Variants in AR observed in about 807,000 individuals in gnomAD.
The protein encoded by AR is dihydrotestosterone receptor.
AR carries 8 observed loss-of-function variants against 53.9 expected under a neutral mutation model. That is an observed-to-expected ratio of 0.15 (90% CI 0.09 to 0.27). AR has a LOEUF of 0.27. Among genes scored for constraint, AR ranks in the 10% least tolerant of loss-of-function variants. AR has a pLI of 1.00. For synonymous variants in AR, 359 were observed against 316.4 expected (o/e 1.13, Z -1.43); for missense variants, 639 against 742.5 (o/e 0.86, Z 1.62).
At chrX:67,659,899 T>C (rs1470377885) in intron 2 of AR, among the ~76,000 whole-genome samples, 1 of 111,755 alleles carries the variant, frequency 8.9e-6, no homozygotes, top group Non-Finnish European at 1.9e-5. Context: ...GACTTTTTAA[T>C]GATCACCATT....
chrX:67,627,285 AG>A (rs1221313900), intron 1 of AR, among the ~76,000 whole-genome samples: 1 of 111,447 alleles, frequency 9.0e-6, no homozygotes, highest in Non-Finnish European at 1.9e-5. Context: ...CATCCTCTCC[AG>A]CACCTGTTGT....
Position 67,714,493 on chromosome X carries a change from G to A in AR, c.2173+2804G>A, listed in dbSNP as rs774787223. On this transcript the variant is annotated intron_variant, in intron 4 of 7. Coordinates refer to ENST00000374690, the MANE Select transcript of AR (RefSeq NM_000044.6). ...TGAAATTGTGTTCTCTGAAGACCTCGGCTGGCAGATGTACTACAGCAGCAA... is the reference window on the plus strand; with the variant it reads ...TGAAATTGTGTTCTCTGAAGACCTCAGCTGGCAGATGTACTACAGCAGCAA... 3.6e-5 allele frequency among the ~76,000 whole-genome samples: 4 copies of A among 111,542 alleles called. No individual in the cohort carries two copies. The South Asian group carries it at 1.1e-3, about 32-fold the overall frequency.
At chrX:67,723,113 C>T (rs2076143122) in intron 7 of AR, 129 bp downstream of exon 7, 2 of 837,876 alleles carry the variant, frequency 2.4e-6, no homozygotes, top group East Asian at 3.3e-5. Flanking sequence ...TGAGTGTGGT[C>T]CAGGAAGAAA....
chrX:67,704,675 C>A lies in AR; in HGVS notation c.1886-6727C>A, dbSNP rs1434846353. Among the ~76,000 whole-genome samples, 3 of 111,757 alleles carry A rather than the reference C, an allele frequency of 2.7e-5. No homozygotes were observed. In the Admixed American group the frequency reaches 2.8e-4, roughly 11 times the overall value. On this transcript the variant is annotated intron_variant, in intron 3 of 7. Coordinates refer to ENST00000374690, the MANE Select transcript of AR (RefSeq NM_000044.6). ...ATTAGATCCCATTTGTCAATTTTGG[C>A]TTTTGTTGCCATTGCTTTTGGTGTT...
chrX:67,695,676 G>C, intron 3 of AR: 1 of 752,616 alleles, frequency 1.3e-6, no homozygotes, highest in South Asian at 6.8e-5. Context: ...ACATGTGAGA[G>C]TCAGAAGGAC....
intron 1 of AR, among the ~76,000 whole-genome samples, chrX:67,574,886 A>G (rs1227903000): frequency 9.0e-6 from 1 of 111,659 alleles, no homozygotes; most frequent in Admixed American, 9.5e-5. Context: ...GGTTGAAACT[A>G]TAAGCTTAAA....
chrX:67,597,892 C>A (rs928074421), intron 1 of AR, among the ~76,000 whole-genome samples: 5 of 111,900 alleles, frequency 4.5e-5, no homozygotes, highest in Non-Finnish European at 7.5e-5. Flanking sequence ...GGGTGGTAAA[C>A]ATCATTTTAG....
chrX:67,557,563 G>A (rs943759524), intron 1 of AR, among the ~76,000 whole-genome samples: 2 of 111,603 alleles, frequency 1.8e-5, no homozygotes, highest in Admixed American at 9.5e-5. Flanking sequence ...CTTAGAGATC[G>A]CCTAGGCTGT....
chrX:67,631,646 A>G (rs761558399), intron 1 of AR, among the ~76,000 whole-genome samples: 4 of 112,514 alleles, frequency 3.6e-5, no homozygotes, highest in African/African-American at 1.3e-4. Context: ...ATCTCATCAA[A>G]GTCATTCTCT....
intron 1 of AR, among the ~76,000 whole-genome samples, chrX:67,576,448 A>G (rs1449282157): frequency 9.1e-6 from 1 of 110,085 alleles, no homozygotes; most frequent in East Asian, 2.8e-4. Context: ...GACAAAAAAA[A>G]AGAGAGAGAG....
At chrX:67,551,618 G>A (rs1017233468) in intron 1 of AR, among the ~76,000 whole-genome samples, 2 of 111,759 alleles carry the variant, frequency 1.8e-5, no homozygotes, top group African/African-American at 6.5e-5. Context: ...GTGTGAGTAG[G>A]CCAGGAGGGG....
chrX:67,720,492 G>A (rs1307665946), intron 5 of AR, among the ~76,000 whole-genome samples: 3 of 111,991 alleles, frequency 2.7e-5, no homozygotes, highest in African/African-American at 9.7e-5. Context: ...GACTGGAGCA[G>A]AGCCAGACCT....
At chrX:67,655,867 G>C (rs1926562478) in intron 2 of AR, among the ~76,000 whole-genome samples, 1 of 112,412 alleles carries the variant, frequency 8.9e-6, no homozygotes, top group Admixed American at 9.5e-5. Flanking sequence ...TGAGAAATCA[G>C]TCCCTCATCA....
chrX:67,639,400 A>G (rs1444457276), intron 1 of AR, among the ~76,000 whole-genome samples: 2 of 111,741 alleles, frequency 1.8e-5, no homozygotes, highest in African/African-American at 6.5e-5. Flanking sequence ...TCTGTAAAAC[A>G]CTTTGGGCAG....
intron 2 of AR, among the ~76,000 whole-genome samples, chrX:67,661,426 G>A (rs1388175171): frequency 4.5e-5 from 5 of 110,879 alleles, no homozygotes; most frequent in South Asian, 3.8e-4. Context: ...AGCATGAAGC[G>A]CTGTTGAATT....
At chrX:67,571,681 G>A (rs182794911) in intron 1 of AR, among the ~76,000 whole-genome samples, 2 of 110,979 alleles carry the variant, frequency 1.8e-5, no homozygotes, top group East Asian at 5.7e-4. Context: ...GGATATTTCC[G>A]ATATTCAAAT....
chrX:67,629,717 T>C (rs1328046781), intron 1 of AR, among the ~76,000 whole-genome samples: 1 of 109,337 alleles, frequency 9.1e-6, no homozygotes, highest in Non-Finnish European at 1.9e-5. Flanking sequence ...CTAGTTCTTT[T>C]AATTGTGATG....
chrX:67,689,658 A>T, intron 3 of AR: 1 of 906,603 alleles, frequency 1.1e-6, no homozygotes, highest in Non-Finnish European at 1.4e-6. Context: ...CACAACAGAG[A>T]TCAGCCTTTC....
At chrX:67,709,877 T>G (rs1215334349) in intron 3 of AR, among the ~76,000 whole-genome samples, 1 of 112,033 alleles carries the variant, frequency 8.9e-6, no homozygotes, top group Non-Finnish European at 1.9e-5. Flanking sequence ...TAGGATAGAA[T>G]TTGATAGTCT....
Sources: gnomAD v4.1 joint callset for allele counts (sites outside exome capture counted in the v4.1 genomes callset) on GRCh38, gnomAD v4.1.1 for gene constraint, MANE v1.5 for transcripts, NCBI Gene and HGNC (gene_info 2026-07-23, HGNC 2026-07-21) for gene names.